The following NRG3 variants were observed in gnomAD, a reference collection of about 807,000 sequenced individuals.
NRG3 encodes the protein pro-neuregulin-3, membrane-bound isoform.
A neutral mutation model predicts 66.9 loss-of-function variants in NRG3; 31 were observed. The ratio of observed to expected loss-of-function variants is 0.46; its 90% CI spans 0.35 to 0.63. The LOEUF (loss-of-function observed/expected upper bound fraction) is 0.63. Among genes scored for constraint, NRG3 ranks in the 20% least tolerant of loss-of-function variants. The pLI, the probability that NRG3 is intolerant of heterozygous loss-of-function variation, is 0.00. For synonymous variants in NRG3, 393 were observed against 359.4 expected, an observed-to-expected ratio of 1.09 and a Z score of -1.06; for missense variants, 910 against 878.9, an observed-to-expected ratio of 1.04 and a Z score of -0.45.
At chr10:82,011,732 A>G (rs146550247) in intron 1 of NRG3, among the ~76,000 whole-genome samples, 1,604 of 152,342 alleles carry the variant, frequency 0.011, 13 homozygotes, top group Non-Finnish European at 0.014. Context: ...CCAGCGGGGT[A>G]GTCAAATTTT....
rs191534778 is a variant in NRG3 at position 82,204,754 on chromosome 10, G to A, written c.824-153985G>A. On this transcript the variant is annotated intron_variant, in intron 1 of 8. Transcript: ENST00000372141. ...ATCTCTTCTCAATTTCTCAACTTGGGTGTGCCATATGCTGTCTACTTGAAC... is the reference window on the plus strand; with the variant it reads ...ATCTCTTCTCAATTTCTCAACTTGGATGTGCCATATGCTGTCTACTTGAAC... 2.8e-4 allele frequency among the ~76,000 whole-genome samples: 43 copies of A among 152,224 alleles called. No individual in the cohort carries two copies. In the East Asian group the frequency reaches 8.1e-3, roughly 29 times the overall value.
chr10:82,945,896 C>G (rs554666223), intron 4 of NRG3, among the ~76,000 whole-genome samples: 4 of 152,010 alleles, frequency 2.6e-5, no homozygotes, highest in Admixed American at 2.0e-4. Context: ...GGTCAACTCA[C>G]GAAAGGAGGA....
At chr10:82,482,500 T>G (rs1044373173) in intron 2 of NRG3, among the ~76,000 whole-genome samples, 6 of 152,138 alleles carry the variant, frequency 3.9e-5, no homozygotes, top group Non-Finnish European at 8.8e-5. Flanking sequence ...GGCACTAACC[T>G]TGGAGTACGG....
At chr10:82,393,566 C>A (rs1480308683) in intron 2 of NRG3, among the ~76,000 whole-genome samples, 1 of 152,126 alleles carries the variant, frequency 6.6e-6, no homozygotes, top group Non-Finnish European at 1.5e-5. Flanking sequence ...AAATAGAGAG[C>A]TGTGTTTGAA....
At chr10:82,700,771 T>C (rs919964528) in intron 2 of NRG3, among the ~76,000 whole-genome samples, 19 of 152,146 alleles carry the variant, frequency 1.2e-4, no homozygotes. Context: ...TAAATCGTAG[T>C]TTTAAACTAT....
intron 1 of NRG3, among the ~76,000 whole-genome samples, chr10:82,303,070 C>G (rs1464776871): frequency 6.6e-6 from 1 of 152,130 alleles, no homozygotes; most frequent in Non-Finnish European, 1.5e-5. Flanking sequence ...ACACATATCT[C>G]TCTACTATTA....
At chr10:82,476,830 T>TA (rs1233181374) in intron 2 of NRG3, among the ~76,000 whole-genome samples, 1 of 152,132 alleles carries the variant, frequency 6.6e-6, no homozygotes, top group Non-Finnish European at 1.5e-5. Context: ...AGAGTATACT[T>TA]AAAAATGGTT....
At chr10:82,492,448 A>G (rs772782991) in intron 2 of NRG3, among the ~76,000 whole-genome samples, 11 of 152,354 alleles carry the variant, frequency 7.2e-5, no homozygotes, top group Middle Eastern at 6.8e-3. Flanking sequence ...GATCATCAAC[A>G]TAATTTCTGA....
intron 3 of NRG3, among the ~76,000 whole-genome samples, chr10:82,819,070 T>G (rs909048403): frequency 3.3e-5 from 5 of 152,232 alleles, no homozygotes; most frequent in Non-Finnish European, 7.3e-5. Context: ...AAAAACATAA[T>G]TAGACGTATT....
At chr10:82,916,366 T>C (rs1025144538) in intron 4 of NRG3, among the ~76,000 whole-genome samples, 1 of 152,156 alleles carries the variant, frequency 6.6e-6, no homozygotes, top group East Asian at 1.9e-4. Context: ...GTGGGAGTAA[T>C]GCTTGAGCCT....
intron 4 of NRG3, among the ~76,000 whole-genome samples, chr10:82,909,855 G>A (rs542231024): frequency 1.3e-5 from 2 of 152,334 alleles, no homozygotes; most frequent in South Asian, 4.1e-4. Flanking sequence ...AAACTGAACA[G>A]CAGTGTAAGT....
chr10:82,258,663 G>A (rs557269036), intron 1 of NRG3, among the ~76,000 whole-genome samples: 1 of 152,314 alleles, frequency 6.6e-6, no homozygotes, highest in South Asian at 2.1e-4. Flanking sequence ...TCGAGTGCCA[G>A]CATTCAAACA....
At chr10:82,982,344 G>A (rs1172947220) in intron 8 of NRG3, among the ~76,000 whole-genome samples, 1 of 152,172 alleles carries the variant, frequency 6.6e-6, no homozygotes, top group African/African-American at 2.4e-5. Flanking sequence ...GACTCACATA[G>A]TTACAGACAA....
At chr10:82,878,855 T>G (rs544869462) in intron 4 of NRG3, among the ~76,000 whole-genome samples, 1 of 152,298 alleles carries the variant, frequency 6.6e-6, no homozygotes, top group Non-Finnish European at 1.5e-5. Context: ...TCTGCTGCCA[T>G]GCCAAGTCCT....
chr10:82,227,768 A>G (rs1019330575), intron 1 of NRG3, among the ~76,000 whole-genome samples: 8 of 152,230 alleles, frequency 5.3e-5, no homozygotes, highest in African/African-American at 1.9e-4. Flanking sequence ...TATTACTCCA[A>G]GATAGACTGG....
intron 1 of NRG3, among the ~76,000 whole-genome samples, chr10:82,074,658 T>C (rs1260653263): frequency 6.6e-6 from 1 of 152,036 alleles, no homozygotes; most frequent in Non-Finnish European, 1.5e-5. Flanking sequence ...AGCAAGACTC[T>C]CTCTCTACAA....
At chr10:82,711,920 G>A (rs377289951) in intron 2 of NRG3, among the ~76,000 whole-genome samples, 2 of 152,068 alleles carry the variant, frequency 1.3e-5, no homozygotes, top group African/African-American at 4.8e-5. Context: ...ACACACACAT[G>A]GAAATTGCAT....
At chr10:82,307,052 T>A (rs762409032) in intron 1 of NRG3, among the ~76,000 whole-genome samples, 2 of 152,238 alleles carry the variant, frequency 1.3e-5, no homozygotes, top group East Asian at 3.9e-4. Flanking sequence ...ATTTTATCAC[T>A]TTTTTTGAAG....
At chr10:82,367,102 G>T (rs1298467914) in intron 2 of NRG3, among the ~76,000 whole-genome samples, 3 of 152,050 alleles carry the variant, frequency 2.0e-5, no homozygotes, top group Non-Finnish European at 4.4e-5. Flanking sequence ...TTAAGACCAG[G>T]CTTGTTTATG....
Sources: allele counts gnomAD v4.1 joint callset (sites outside exome capture counted in the v4.1 genomes callset), GRCh38; gene constraint gnomAD v4.1.1; transcripts MANE v1.5; gene names NCBI Gene and HGNC (gene_info 2026-07-23, HGNC 2026-07-21).